MAPK4: variants seen among roughly 807,000 people sequenced by gnomAD.
The protein encoded by MAPK4 is mitogen-activated protein kinase 4.
In MAPK4, 22 loss-of-function variants were observed where a neutral mutation model predicts 47.7. The observed-to-expected ratio is 0.46, with a 90% CI of 0.33 to 0.66. The LOEUF (loss-of-function observed/expected upper bound fraction) is 0.66, where lower values mean the gene tolerates loss of function less well. Ranked by LOEUF, MAPK4 falls within the 30% of genes least tolerant of loss-of-function variation. The probability of loss-of-function intolerance (pLI) is 0.02; values close to 1 mark genes in which losing one functional copy is unlikely to be tolerated. For synonymous variants in MAPK4, 390 were observed against 365.7 expected (o/e 1.07, Z -0.76); for missense variants, 736 against 831.7 (o/e 0.88, Z 1.42).
At position 50,730,330 on chromosome 18, in the gene MAPK4, G is replaced by A. The variant is rs1413720836; in HGVS notation, c.*476G>A. On this transcript the variant is annotated 3_prime_UTR_variant, in exon 6 of 6. Transcript: ENST00000400384. ...TGAAATCCCAGTCTCCTGGCCCCCA[G>A]GCCAGGGTCTGTCCACCATAGAATG... The A allele has an allele frequency of 6.5e-6, 1 of 154,206 alleles. No homozygotes were observed. Among genetic ancestry groups the A allele is most frequent in the Non-Finnish European group, 1.4e-5 (1 of 69,128 alleles). 9.6% of individuals were successfully genotyped at this position (154,206 alleles called of 1,614,324 possible). A position where few individuals can be genotyped will look rare whatever the true frequency, so the allele number is the denominator to read the frequency against.
chr18:50,583,223 A>G (rs1045702065), intron 1 of MAPK4, among the ~76,000 whole-genome samples: 43 of 152,222 alleles, frequency 2.8e-4, no homozygotes, highest in African/African-American at 1.0e-3. Flanking sequence ...GAATGAGAGA[A>G]TGTGTGTTTA....
intron 1 of MAPK4, among the ~76,000 whole-genome samples, chr18:50,651,538 C>T (rs1274875416): frequency 6.6e-6 from 1 of 152,206 alleles, no homozygotes; most frequent in Non-Finnish European, 1.5e-5. Context: ...CACGTTTCCT[C>T]TCCAGCACTC....
intron 1 of MAPK4, among the ~76,000 whole-genome samples, chr18:50,621,208 C>G (rs1199359116): frequency 6.6e-6 from 1 of 152,174 alleles, no homozygotes; most frequent in Non-Finnish European, 1.5e-5. Flanking sequence ...AAAACATATG[C>G]TCTTCTTTTC....
At chr18:50,694,641 A>G (rs902571227) in intron 2 of MAPK4, among the ~76,000 whole-genome samples, 1 of 152,218 alleles carries the variant, frequency 6.6e-6, no homozygotes, top group African/African-American at 2.4e-5. Context: ...TATCGGGCCC[A>G]TGACTGGCCC....
chr18:50,568,154 C>T (rs977750473), intron 1 of MAPK4, among the ~76,000 whole-genome samples: 23 of 151,006 alleles, frequency 1.5e-4, no homozygotes, highest in Non-Finnish European at 2.4e-4. Flanking sequence ...CGAGATCGGG[C>T]CACTGCACTC....
chr18:50,581,659 T>A (rs573931873), intron 1 of MAPK4, among the ~76,000 whole-genome samples: 1 of 152,238 alleles, frequency 6.6e-6, no homozygotes, highest in South Asian at 2.1e-4. Flanking sequence ...AGCAGAAGAG[T>A]TGAGTTCATC....
Position 50,597,990 on chromosome 18 carries a change from A to G in MAPK4, c.-871+37747A>G, listed in dbSNP as rs1267127265. Among the ~76,000 whole-genome samples the G allele has an allele frequency of 1.3e-5, 2 of 152,226 alleles. 1 individual carries two copies. The highest frequency in any genetic ancestry group is 2.9e-5 in the Non-Finnish European group (2 of 68,032). Reference sequence around the variant, plus strand: ...GCTGGGGGGAAAAACAAGTAGTGAGATTTGGGACAATGAAACAACTTTTTT... The same window carrying G: ...GCTGGGGGGAAAAACAAGTAGTGAGGTTTGGGACAATGAAACAACTTTTTT... On this transcript the variant is annotated intron_variant, in intron 1 of 5. Transcript: ENST00000400384.
At chr18:50,692,537 A>G (rs1909276459) in intron 2 of MAPK4, among the ~76,000 whole-genome samples, 1 of 152,178 alleles carries the variant, frequency 6.6e-6, no homozygotes, top group Non-Finnish European at 1.5e-5. Flanking sequence ...TCTGACCTAT[A>G]AAAAGGAAAC....
chr18:50,634,482 G>A (rs1568054831), intron 1 of MAPK4, among the ~76,000 whole-genome samples: 1 of 152,098 alleles, frequency 6.6e-6, no homozygotes, highest in Non-Finnish European at 1.5e-5. Context: ...AAATCCCTTG[G>A]CGTTTATTTT....
chr18:50,572,984 C>G (rs1428132778), intron 1 of MAPK4, among the ~76,000 whole-genome samples: 2 of 152,176 alleles, frequency 1.3e-5, no homozygotes, highest in Non-Finnish European at 2.9e-5. Context: ...AGGTGTATAG[C>G]TGTCTATACA....
intron 1 of MAPK4, among the ~76,000 whole-genome samples, chr18:50,562,522 C>G (rs1364689670): frequency 1.3e-5 from 2 of 152,096 alleles, no homozygotes; most frequent in Non-Finnish European, 2.9e-5. Flanking sequence ...CAGCCCCTCA[C>G]TCCAAACTGA....
rs925741084 is a variant in MAPK4, at chr18:50,714,931, C to A, written c.547-148C>A. ...CCCTCTAACCAGACGTCTGTTCACT[C>A]ATGCTCCTTCAAGATCAATGGGAAA... On this transcript the variant is annotated intron_variant, in intron 2 of 5. Transcript: ENST00000400384. 4 of 761,678 alleles carry A rather than the reference C, an allele frequency of 5.3e-6. No homozygotes were observed. The African/African-American group carries it at 7.0e-5, about 13-fold the overall frequency. 47.2% of individuals were successfully genotyped at this position (761,678 alleles called of 1,614,324 possible).
In MAPK4 at chr18:50,715,130, C is replaced by A; in HGVS notation, c.598C>A (p.Leu200Ile). Residue 200 changes from leucine (L) to isoleucine (I), a missense_variant, in exon 3 of 6, where the codon CTC becomes ATC. Around this residue, in one of 3 missense-constraint regions of MAPK4, gnomAD observed 327 missense variants for 395.4 expected, o/e 0.83. Coordinates refer to ENST00000400384, the MANE Select transcript of MAPK4 (RefSeq NM_002747.4). ...VTKWYRSPRL[L>I]LSPNNYTKAI... is the part of the protein sequence containing the mutation. ...AAAGTGGTACCGTTCCCCACGACTG[C>A]TCCTTTCCCCCAATAACTACACCAA... 6.2e-7 allele frequency: 1 copy of A among 1,614,162 alleles called. No homozygotes were observed. Among genetic ancestry groups the A allele is most frequent in the Non-Finnish European group, 8.5e-7 (1 of 1,180,014 alleles).
intron 2 of MAPK4, among the ~76,000 whole-genome samples, chr18:50,703,353 C>T (rs1312013754): frequency 1.3e-5 from 2 of 152,184 alleles, no homozygotes; most frequent in African/African-American, 4.8e-5. Flanking sequence ...TTCCAAGGGG[C>T]CAGAGCCTCT....
intron 2 of MAPK4, among the ~76,000 whole-genome samples, chr18:50,682,507 A>G (rs1449661003): frequency 6.6e-6 from 1 of 152,244 alleles, no homozygotes; most frequent in Non-Finnish European, 1.5e-5. Context: ...ACAGATTAAT[A>G]TCTTCCATTA....
intron 2 of MAPK4, among the ~76,000 whole-genome samples, chr18:50,665,926 C>T (rs115473194): frequency 8.4e-4 from 128 of 152,334 alleles, no homozygotes; most frequent in African/African-American, 2.9e-3. Context: ...ATTCCTTGAA[C>T]TGCTTCTTTT....
intron 1 of MAPK4, among the ~76,000 whole-genome samples, chr18:50,616,822 G>T (rs1321719096): frequency 6.6e-6 from 1 of 152,220 alleles, no homozygotes; most frequent in East Asian, 1.9e-4. Flanking sequence ...CAGCTGATTA[G>T]ATGGTGCCAC....
chr18:50,680,683 A>G (rs1475937684), intron 2 of MAPK4, among the ~76,000 whole-genome samples: 2 of 152,170 alleles, frequency 1.3e-5, no homozygotes, highest in African/African-American at 4.8e-5. Flanking sequence ...GTCACACAAC[A>G]TGTGGTCCTT....
At chr18:50,605,815 C>T (rs1296244574) in intron 1 of MAPK4, among the ~76,000 whole-genome samples, 2 of 152,198 alleles carry the variant, frequency 1.3e-5, no homozygotes, top group African/African-American at 4.8e-5. Context: ...CCTGCTCCAG[C>T]GAACATGGCA....
Sources: gnomAD v4.1 joint callset for allele counts (sites outside exome capture counted in the v4.1 genomes callset) on GRCh38, gnomAD v4.1.1 for gene constraint, gnomAD v4.1.1 regional missense constraint, MANE v1.5 for transcripts, NCBI Gene and HGNC (gene_info 2026-07-23, HGNC 2026-07-21) for gene names.